ITIH5: variants seen among roughly 807,000 people sequenced by gnomAD.
The protein encoded by ITIH5 is inter-alpha-trypsin inhibitor heavy chain H5.
In ITIH5, 65 loss-of-function variants were observed where a neutral mutation model predicts 77.5. The observed-to-expected ratio is 0.84, with a 90% confidence interval of 0.69 to 1.03. ITIH5 has a LOEUF of 1.03. Ranked by LOEUF, ITIH5 falls within the 50% of genes least tolerant of loss-of-function variation. The probability of loss-of-function intolerance (pLI) is 0.00; values close to 1 mark genes in which losing one functional copy is unlikely to be tolerated. For missense variants in ITIH5, 1,208 were observed against 1,213.1 expected (o/e 1.00, Z 0.06); for synonymous variants, 525 against 494.3 (o/e 1.06, Z -0.82).
chr10:7,579,048 A>G (rs924336463), intron 9 of ITIH5, among the ~76,000 whole-genome samples: 3 of 152,270 alleles, frequency 2.0e-5, no homozygotes, highest in African/African-American at 7.2e-5. Flanking sequence ...TAAACTTACT[A>G]GAAAGTGCTT....
chr10:7,575,758 A>G (rs888338405), intron 10 of ITIH5, among the ~76,000 whole-genome samples: 3 of 152,118 alleles, frequency 2.0e-5, no homozygotes, highest in Admixed American at 2.0e-4. Context: ...ATTATACTAC[A>G]TAACTCTGAA....
chr10:7,567,923 C>G (rs1046722232), intron 12 of ITIH5, among the ~76,000 whole-genome samples: 12 of 152,180 alleles, frequency 7.9e-5, no homozygotes, highest in African/African-American at 2.7e-4. Flanking sequence ...AATGGATGGA[C>G]AGATGGAAAA....
chr10:7,587,125 C>T (rs900621647), intron 7 of ITIH5, among the ~76,000 whole-genome samples: 2 of 151,920 alleles, frequency 1.3e-5, no homozygotes, highest in Admixed American at 6.6e-5. Flanking sequence ...CCACTGCACC[C>T]GGCTTGGAAG....
chr10:7,614,568 G>C, intron 7 of ITIH5, among the ~76,000 whole-genome samples: 1 of 152,020 alleles, frequency 6.6e-6, no homozygotes, highest in Non-Finnish European at 1.5e-5. Context: ...GTGTGGCCCA[G>C]GGAAGCCAAA....
chr10:7,656,597 A>G (rs1361868798), intron 1 of ITIH5, among the ~76,000 whole-genome samples: 2 of 152,172 alleles, frequency 1.3e-5, no homozygotes, highest in African/African-American at 4.8e-5. Context: ...AGCTGATTAT[A>G]TGGATGTTAC....
In ITIH5 at chr10:7,616,950, C is replaced by CA. The variant is rs1184074105; in HGVS notation, c.822+162dup. Among the ~76,000 whole-genome samples the CA allele has an allele frequency of 2.1e-4, 32 of 152,084 alleles. No homozygotes were observed. The East Asian group carries it at 5.0e-3, about 24-fold the overall frequency. On this transcript the variant is annotated intron_variant, in intron 6 of 13. Coordinates refer to ENST00000397146, the MANE Select transcript of ITIH5 (RefSeq NM_030569.7). ...TGAAGCTGGAAATAGGTTCCCTCAG[C>CA]AAAAAAATACCGCTAGTCTCTTTGA... is the stretch of plus-strand genomic sequence containing the variant.
At chr10:7,593,262 G>A (rs1832830483) in intron 7 of ITIH5, among the ~76,000 whole-genome samples, 1 of 152,020 alleles carries the variant, frequency 6.6e-6, no homozygotes, top group South Asian at 2.1e-4. Context: ...ACCTCCCGGT[G>A]GCTCCATTCC....
chr10:7,599,880 A>G (rs770044735), intron 7 of ITIH5, among the ~76,000 whole-genome samples: 7 of 152,164 alleles, frequency 4.6e-5, no homozygotes, highest in Non-Finnish European at 1.0e-4. Context: ...GTCTCTTTCC[A>G]TCTTCCCAGA....
chr10:7,603,273 C>T (rs996262955), intron 7 of ITIH5, among the ~76,000 whole-genome samples: 1 of 152,218 alleles, frequency 6.6e-6, no homozygotes, highest in Non-Finnish European at 1.5e-5. Context: ...AGGTATCATG[C>T]TACCTGAAAG....
intron 7 of ITIH5, among the ~76,000 whole-genome samples, chr10:7,591,114 C>T (rs1277482881): frequency 1.3e-5 from 2 of 152,208 alleles, no homozygotes; most frequent in Non-Finnish European, 2.9e-5. Flanking sequence ...CCAGGATGGT[C>T]TCAATCTCCT....
intron 7 of ITIH5, among the ~76,000 whole-genome samples, chr10:7,588,671 A>G (rs1381403962): frequency 6.6e-6 from 1 of 152,216 alleles, no homozygotes; most frequent in African/African-American, 2.4e-5. Flanking sequence ...CTTCATTCCC[A>G]GGCTGAGAAA....
At chr10:7,653,174 T>A (rs1834127856) in intron 2 of ITIH5, among the ~76,000 whole-genome samples, 1 of 152,038 alleles carries the variant, frequency 6.6e-6, no homozygotes, top group Non-Finnish European at 1.5e-5. Context: ...GTGTTAAGAG[T>A]AATAGTATTC....
Position 7,587,387 on chromosome 10 carries a change from A to G in ITIH5, c.940-1318T>C, listed in dbSNP as rs1245366687. 2.0e-5 allele frequency among the ~76,000 whole-genome samples: 3 copies of G among 152,194 alleles called. 1 individual carries two copies. The highest frequency in any genetic ancestry group is 4.1e-4 in the South Asian group (2 of 4,826). ...TGTTAGACACTTACAGGCTCAGCAT[A>G]GGAGGTCAGGGACTTTCATTATATA... On this transcript the variant is annotated intron_variant, in intron 7 of 13. Coordinates refer to ENST00000397146, the MANE Select transcript of ITIH5 (RefSeq NM_030569.7).
intron 1 of ITIH5, among the ~76,000 whole-genome samples, chr10:7,661,089 TAG>T (rs1834269212): frequency 1.3e-5 from 2 of 152,192 alleles, no homozygotes; most frequent in African/African-American, 4.8e-5. Context: ...GCAAGGGATC[TAG>T]GTTGTGTTCT....
chr10:7,631,663 C>A lies in ITIH5; in HGVS notation c.652+5565G>T, dbSNP rs944057197. ...GGTTGTTTCCACCAACCACATAATT[C>A]TACACTGGCCTGTATCTGAGAGTGA... On this transcript the variant is annotated intron_variant, in intron 5 of 13. Transcript: ENST00000397146. Among the ~76,000 whole-genome samples the A allele has an allele frequency of 1.1e-4, 17 of 152,216 alleles. 1 individual carries two copies. Among genetic ancestry groups the A allele is most frequent in the African/African-American group, 3.1e-4 (13 of 41,512 alleles).
At chr10:7,579,640 G>A (rs1163514057) in intron 9 of ITIH5, 115 bp downstream of exon 9, 15 of 1,030,754 alleles carry the variant, frequency 1.5e-5, no homozygotes, top group Non-Finnish European at 2.0e-5. Context: ...AGCTATGATC[G>A]TTGTCAGCAG....
chr10:7,569,485 C>T, intron 12 of ITIH5, 183 bp downstream of exon 12: 1 of 447,488 alleles, frequency 2.2e-6, no homozygotes. Flanking sequence ...CGGCACTTGT[C>T]ATAAAGCAGG....
intron 2 of ITIH5, among the ~76,000 whole-genome samples, chr10:7,647,031 A>G (rs1033840786): frequency 6.6e-6 from 1 of 152,238 alleles, no homozygotes; most frequent in Admixed American, 6.5e-5. Context: ...TCTGCCACTG[A>G]ACAAAAAATA....
At chr10:7,648,629 G>A (rs924577417) in intron 2 of ITIH5, among the ~76,000 whole-genome samples, 1 of 152,198 alleles carries the variant, frequency 6.6e-6, no homozygotes, top group African/African-American at 2.4e-5. Flanking sequence ...AGCTCCTTCT[G>A]CTAATAGTTC....
Sources: allele counts gnomAD v4.1 joint callset (sites outside exome capture counted in the v4.1 genomes callset), GRCh38; gene constraint gnomAD v4.1.1; transcripts MANE v1.5; gene names NCBI Gene and HGNC (gene_info 2026-07-23, HGNC 2026-07-21).